The following ADCK1 variants were observed in gnomAD, a reference collection of about 807,000 sequenced individuals.
ADCK1 encodes the protein aarF domain containing kinase 1.
Under a neutral mutation model 52.3 loss-of-function variants are expected in ADCK1, and 41 were observed. The ratio of observed to expected loss-of-function variants is 0.78; its 90% confidence interval spans 0.61 to 1.02. ADCK1 has a LOEUF of 1.02. Among genes scored for constraint, ADCK1 ranks in the 50% least tolerant of loss-of-function variants. The pLI is 0.00. For synonymous variants in ADCK1, 250 were observed against 274.6 expected (o/e 0.91, Z 0.89); for missense variants, 658 against 679.5 (o/e 0.97, Z 0.35).
rs561646075 is a variant in ADCK1, at chr14:77,825,837, A to G, written c.219+3319A>G. On this transcript the variant is annotated intron_variant, in intron 3 of 10. Transcript: ENST00000238561. ...ATCTCAAAGTCCCTGCTTCTGAGACATAATTGCCCACTGCGCTTCCCTGCC... is the reference window on the plus strand; with the variant it reads ...ATCTCAAAGTCCCTGCTTCTGAGACGTAATTGCCCACTGCGCTTCCCTGCC... Among the ~76,000 whole-genome samples the G allele has an allele frequency of 2.4e-3, 363 of 152,256 alleles. 1 individual carries two copies. The highest frequency in any genetic ancestry group is 3.8e-3 in the Non-Finnish European group (260 of 68,016).
intron 7 of ADCK1, among the ~76,000 whole-genome samples, chr14:77,913,092 GA>G (rs36046777): frequency 6.6e-6 from 1 of 152,024 alleles, no homozygotes; most frequent in Non-Finnish European, 1.5e-5. Flanking sequence ...CACTATAGGG[GA>G]AAAAAAGGAA....
intron 7 of ADCK1, chr14:77,924,145 C>T (rs1372469949): frequency 2.0e-5 from 5 of 255,168 alleles, no homozygotes; most frequent in East Asian, 1.9e-4. Flanking sequence ...GGGGACAAGT[C>T]GGGGGGCGGG....
chr14:77,820,639 C>CGTGT lies in ADCK1; in HGVS notation c.135+1553_135+1556dup, dbSNP rs10549011. 4.4e-3 allele frequency among the ~76,000 whole-genome samples: 657 copies of CGTGT among 148,908 alleles called. 4 individuals are homozygous for CGTGT. Among genetic ancestry groups the CGTGT allele is most frequent in the African/African-American group, 0.015 (607 of 40,284 alleles). On this transcript the variant is annotated intron_variant, in intron 2 of 10. Coordinates refer to ENST00000238561, the MANE Select transcript of ADCK1 (RefSeq NM_020421.4). The stretch of plus-strand genomic sequence containing the variant: ...GAGCCATTGTGCCAGGCCAATTTTA[C>CGTGT]GTGTGTGTGTGTGTGTGTGTGTGTG...
chr14:77,897,989 C>T (rs1329618589), intron 5 of ADCK1, among the ~76,000 whole-genome samples: 3 of 152,128 alleles, frequency 2.0e-5, no homozygotes, highest in African/African-American at 7.2e-5. Context: ...CCTCAAATTC[C>T]TCATCTATAA....
intron 4 of ADCK1, among the ~76,000 whole-genome samples, chr14:77,860,009 T>C (rs1161553038): frequency 2.0e-5 from 3 of 152,202 alleles, no homozygotes; most frequent in African/African-American, 7.2e-5. Context: ...TCTCTACTTG[T>C]CAAGTGACTT....
intron 7 of ADCK1, among the ~76,000 whole-genome samples, chr14:77,919,558 G>A (rs993219616): frequency 6.6e-6 from 1 of 152,162 alleles, no homozygotes; most frequent in Non-Finnish European, 1.5e-5. Flanking sequence ...ATGCATGTGT[G>A]TCTTTTTCAT....
intron 3 of ADCK1, among the ~76,000 whole-genome samples, chr14:77,855,781 G>A (rs115310770): frequency 2.0e-5 from 3 of 152,102 alleles, no homozygotes; most frequent in Non-Finnish European, 2.9e-5. Flanking sequence ...TCTAGTCTGC[G>A]TGGCAGAATC....
At chr14:77,820,951 AGT>A (rs2081569623) in intron 2 of ADCK1, 1 of 151,924 alleles carries the variant, frequency 6.6e-6, no homozygotes, top group African/African-American at 2.4e-5. Flanking sequence ...CCTGACCTCA[AGT>A]GATCTGCCTG....
At chr14:77,844,161 G>A (rs975495045) in intron 3 of ADCK1, among the ~76,000 whole-genome samples, 2 of 151,998 alleles carry the variant, frequency 1.3e-5, no homozygotes, top group Non-Finnish European at 2.9e-5. Context: ...TCTGCCTGGA[G>A]GTTCAAGCAA....
intron 7 of ADCK1, among the ~76,000 whole-genome samples, chr14:77,911,238 C>T (rs181300227): frequency 2.2e-4 from 34 of 152,322 alleles, no homozygotes; most frequent in Non-Finnish European, 4.7e-4. Flanking sequence ...GGGGTAGAAC[C>T]AGGGTTTGAA....
intron 3 of ADCK1, among the ~76,000 whole-genome samples, chr14:77,847,173 G>C (rs1268357052): frequency 6.6e-6 from 1 of 152,178 alleles, no homozygotes; most frequent in Non-Finnish European, 1.5e-5. Flanking sequence ...TGGCACAGGA[G>C]AGAGCTGATA....
intron 3 of ADCK1, among the ~76,000 whole-genome samples, chr14:77,852,879 GTGTGTA>G (rs202021979): frequency 6.5e-5 from 2 of 30,600 alleles, no homozygotes; most frequent in Non-Finnish European, 1.2e-4. Context: ...AATCTTTTAT[GTGTGTA>G]TATATATATA....
In ADCK1 at chr14:77,934,858, G is replaced by A. The variant is rs2084415721; in HGVS notation, c.*1467G>A. ...TTCACAATCCTTTTATTTCCCAAAAGAATTAATTGTTCTTAGTGACCAGTT... is the reference window on the plus strand; with the variant it reads ...TTCACAATCCTTTTATTTCCCAAAAAAATTAATTGTTCTTAGTGACCAGTT... On this transcript the variant is annotated 3_prime_UTR_variant, in exon 11 of 11. Transcript: ENST00000238561. The A allele has an allele frequency of 6.6e-6, 1 of 152,186 alleles. No individual in the cohort carries two copies. The highest frequency in any genetic ancestry group is 2.4e-5 in the African/African-American group (1 of 41,446). The allele number at this position is 152,186 out of a possible 1,614,324, so 9.4% of individuals were successfully genotyped here.
chr14:77,837,230 G>A (rs946359382), intron 3 of ADCK1, among the ~76,000 whole-genome samples: 2 of 150,248 alleles, frequency 1.3e-5, no homozygotes, highest in African/African-American at 2.5e-5. Flanking sequence ...TCTGCCTCCT[G>A]GGTTCAAGTG....
intron 4 of ADCK1, among the ~76,000 whole-genome samples, chr14:77,860,569 T>C (rs8019539): frequency 0.53 from 80,567 of 151,924 alleles, 21,598 homozygotes; most frequent in South Asian, 0.65. Context: ...GAAACATCTC[T>C]GACTCCTCTG....
At chr14:77,920,076 C>A (rs2084015181) in intron 7 of ADCK1, among the ~76,000 whole-genome samples, 1 of 152,184 alleles carries the variant, frequency 6.6e-6, no homozygotes. Context: ...CTGATTATTT[C>A]TTTTGCTGTG....
chr14:77,856,943 A>G (rs2082429080), intron 3 of ADCK1, among the ~76,000 whole-genome samples: 2 of 151,886 alleles, frequency 1.3e-5, no homozygotes, highest in African/African-American at 4.8e-5. Flanking sequence ...TGGAGGTTGC[A>G]GTGAGCCGAG....
At chr14:77,896,164 G>A (rs1366661307) in intron 5 of ADCK1, among the ~76,000 whole-genome samples, 2 of 152,220 alleles carry the variant, frequency 1.3e-5, no homozygotes, top group African/African-American at 4.8e-5. Flanking sequence ...GACTAATTAT[G>A]TAATTGATTA....
At chr14:77,855,418 C>T (rs892272697) in intron 3 of ADCK1, among the ~76,000 whole-genome samples, 3 of 152,202 alleles carry the variant, frequency 2.0e-5, no homozygotes, top group African/African-American at 7.2e-5. Context: ...AGTCCACCAG[C>T]TTCTATGTGG....
Sources: allele counts gnomAD v4.1 joint callset (sites outside exome capture counted in the v4.1 genomes callset), GRCh38; gene constraint gnomAD v4.1.1; transcripts MANE v1.5; gene names NCBI Gene and HGNC (gene_info 2026-07-23, HGNC 2026-07-21).